The following ZBED4 variants were observed in gnomAD, a reference collection of about 807,000 sequenced individuals.
ZBED4 encodes the protein zinc finger BED domain-containing protein 4.
In ZBED4, 4 loss-of-function variants were observed where a neutral mutation model predicts 15.5. The ratio of observed to expected loss-of-function variants is 0.26; its 90% CI spans 0.13 to 0.59. The LOEUF (loss-of-function observed/expected upper bound fraction) is 0.59. Among genes scored for constraint, ZBED4 ranks in the 20% least tolerant of loss-of-function variants. The pLI, the probability that ZBED4 is intolerant of heterozygous loss-of-function variation, is 0.90. For missense variants in ZBED4, 1,323 were observed against 1,461.8 expected (o/e 0.91, Z 1.55); for synonymous variants, 692 against 608.5 (o/e 1.14, Z -2.02).
chr22:49,854,031 C>T (rs1029593165), intron 1 of ZBED4, 42 bp downstream of exon 1: 1 of 145,452 alleles, frequency 6.9e-6, no homozygotes, highest in African/African-American at 2.5e-5. Context: ...TGCCGCGAGC[C>T]CCGTCCCCCG....
At chr22:49,876,817 A>G (rs1370945148) in intron 1 of ZBED4, among the ~76,000 whole-genome samples, 1 of 152,184 alleles carries the variant, frequency 6.6e-6, no homozygotes, top group Non-Finnish European at 1.5e-5. Flanking sequence ...TAGTAGTGGT[A>G]TTTCCATTTA....
At chr22:49,875,477 G>T (rs937331397) in intron 1 of ZBED4, among the ~76,000 whole-genome samples, 19 of 149,230 alleles carry the variant, frequency 1.3e-4, no homozygotes, top group Non-Finnish European at 1.6e-4. Context: ...CTGGAGTACA[G>T]TGGCGCCATC....
chr22:49,874,757 G>A (rs2060367780), intron 1 of ZBED4, among the ~76,000 whole-genome samples: 1 of 126,572 alleles, frequency 7.9e-6, no homozygotes, highest in Non-Finnish European at 1.6e-5. Context: ...TCAGCTCACT[G>A]CACCTCGACC....
intron 1 of ZBED4, among the ~76,000 whole-genome samples, chr22:49,875,943 T>C (rs989374708): frequency 1.3e-5 from 1 of 77,982 alleles, no homozygotes; most frequent in Non-Finnish European, 4.1e-5. Flanking sequence ...TGATTTTTTT[T>C]CTTTTTTTTT....
chr22:49,853,640 G>A (rs2060260864), upstream of ZBED4, among the ~76,000 whole-genome samples: 1 of 151,852 alleles, frequency 6.6e-6, no homozygotes, highest in Non-Finnish European at 1.5e-5. Flanking sequence ...GGACCCGGGG[G>A]CGGAGCCGAA....
At chr22:49,870,579 G>C (rs552576996) in intron 1 of ZBED4, among the ~76,000 whole-genome samples, 11 of 152,192 alleles carry the variant, frequency 7.2e-5, no homozygotes, top group South Asian at 4.1e-4. Context: ...GATGACTGTT[G>C]ATGTCGAGCA....
chr22:49,854,461 T>G (rs910764835), intron 1 of ZBED4, among the ~76,000 whole-genome samples: 1 of 152,114 alleles, frequency 6.6e-6, no homozygotes, highest in African/African-American at 2.4e-5. Context: ...CCCAGACGGG[T>G]CCTTGCGACG....
At chr22:49,862,848 C>T (rs978477640) in intron 1 of ZBED4, among the ~76,000 whole-genome samples, 1 of 151,872 alleles carries the variant, frequency 6.6e-6, no homozygotes, top group Admixed American at 6.6e-5. Context: ...ATTACAGGTG[C>T]CCACCACCAC....
rs571857694 is a variant in ZBED4, at chr22:49,865,535, TGTG to T, written c.-330+11551_-330+11553del. 1.8e-3 allele frequency among the ~76,000 whole-genome samples: 275 copies of T among 151,172 alleles called. 3 individuals carry two copies. Among genetic ancestry groups the T allele is most frequent in the African/African-American group, 5.9e-3 (241 of 41,034 alleles). On this transcript the variant is annotated intron_variant, in intron 1 of 1. Transcript: ENST00000216268. ...TAACCCGTCTCTATTAAAATACAGG[TGTG>T]GTGGCAGGCACCTGTAATCCCAGCT... is the stretch of plus-strand genomic sequence containing the variant.
chr22:49,884,359 G>A lies in ZBED4; in HGVS notation c.697G>A (p.Glu233Lys), dbSNP rs747281799. ...TEESVSVVSS[E>K]EISSDMSVSE... ...GGAGTCTGTGTCTGTAGTTTCTTCTGAAGAAATCTCCTCTGACATGTCCGT... is the reference window on the plus strand; with the variant it reads ...GGAGTCTGTGTCTGTAGTTTCTTCTAAAGAAATCTCCTCTGACATGTCCGT... Residue 233 changes from glutamate to lysine, a missense_variant, in exon 2 of 2, where the codon GAA (glutamate) becomes AAA (lysine). Glu to Lys is a moderately conservative substitution (Grantham distance 56). Transcript: ENST00000216268. 7 of 1,613,042 alleles carry A rather than the reference G, an allele frequency of 4.3e-6. No individual in the cohort carries two copies. Among genetic ancestry groups the A allele is most frequent in the Admixed American group, 3.3e-5 (2 of 59,730 alleles).
chr22:49,874,556 G>A (rs2060366024), intron 1 of ZBED4, among the ~76,000 whole-genome samples: 1 of 149,164 alleles, frequency 6.7e-6, no homozygotes, highest in African/African-American at 2.5e-5. Flanking sequence ...TGTATTTTTA[G>A]TAGACATGGG....
chr22:49,875,944 C>CTTTTTT (rs56100344), intron 1 of ZBED4, among the ~76,000 whole-genome samples: 1 of 146,704 alleles, frequency 6.8e-6, no homozygotes. Context: ...GATTTTTTTT[C>CTTTTTT]TTTTTTTTTT....
At position 49,883,646 on chromosome 22, in the gene ZBED4, A is replaced by G; in HGVS notation, c.-17A>G. 6.5e-7 allele frequency: 1 copy of G among 1,534,832 alleles called. No individual in the cohort carries two copies. Among genetic ancestry groups the G allele is most frequent in the Non-Finnish European group, 8.8e-7 (1 of 1,133,834 alleles). ...TTTTATGAACCTAAGATACAGCCGG[A>G]GTAGTTATGGTCAGTCATGGAGAAT... On this transcript the variant is annotated 5_prime_UTR_variant, in exon 2 of 2. Coordinates refer to ENST00000216268, the MANE Select transcript of ZBED4 (RefSeq NM_014838.3).
In ZBED4 at chr22:49,856,767, G is replaced by A. The variant is rs1419966090; in HGVS notation, c.-330+2778G>A. Reference sequence around the variant, plus strand: ...CCACCTCTCGTTCTAGGTGAAGGCCGCGCTGGAATCCCGGCCGGCTTCCCA... The same window carrying A: ...CCACCTCTCGTTCTAGGTGAAGGCCACGCTGGAATCCCGGCCGGCTTCCCA... On this transcript the variant is annotated intron_variant, in intron 1 of 1. Coordinates refer to ENST00000216268, the MANE Select transcript of ZBED4 (RefSeq NM_014838.3). Among the ~76,000 whole-genome samples, 4 of 93,354 alleles carry A rather than the reference G, an allele frequency of 4.3e-5. 1 individual carries two copies. Among genetic ancestry groups the A allele is most frequent in the African/African-American group, 3.9e-5 (1 of 25,548 alleles). The allele number at this position is 93,354 out of a possible 152,430, so 61.2% of individuals were successfully genotyped here.
intron 1 of ZBED4, among the ~76,000 whole-genome samples, chr22:49,875,059 G>A (rs1431353380): frequency 2.0e-5 from 3 of 152,074 alleles, no homozygotes; most frequent in Non-Finnish European, 4.4e-5. Context: ...GATACATAGT[G>A]TTTAATTTAA....
chr22:49,869,553 G>T (rs1180576509), intron 1 of ZBED4, among the ~76,000 whole-genome samples: 1 of 152,128 alleles, frequency 6.6e-6, no homozygotes, highest in East Asian at 1.9e-4. Flanking sequence ...TTCTGGTTTG[G>T]CTCTCATTTT....
Position 49,883,907 on chromosome 22 carries a change from A to C in ZBED4, c.245A>C (p.Asp82Ala). ...TACTTGTCTGCAGAGAGTGAGGATG[A>C]CTATGGCGCGCTGTTCTCCCAGTAC... ...GKYLSAESED[D>A]YGALFSQYSS... Residue 82 changes from aspartate (D) to alanine (A), a missense_variant, in exon 2 of 2, where the codon GAC becomes GCC. By Grantham distance (126) the Asp-to-Ala change is moderately radical (BLOSUM62 -2). Around this residue, in one of 6 missense-constraint regions of ZBED4, gnomAD observed 380 missense variants for 413.7 expected, o/e 0.92. Transcript: ENST00000216268. The C allele has an allele frequency of 1.2e-6, 2 of 1,607,696 alleles. No individual in the cohort carries two copies. Among genetic ancestry groups the C allele is most frequent in the Non-Finnish European group, 1.7e-6 (2 of 1,175,640 alleles).
At chr22:49,876,416 T>A (rs1360906367) in intron 1 of ZBED4, among the ~76,000 whole-genome samples, 2 of 152,234 alleles carry the variant, frequency 1.3e-5, no homozygotes, top group African/African-American at 2.4e-5. Flanking sequence ...CTCCCTTTAG[T>A]TCTCTCAGCT....
At position 49,887,445 on chromosome 22, in the gene ZBED4, G is replaced by A. The variant is rs574289894; in HGVS notation, c.*267G>A. The A allele has an allele frequency of 5.9e-6, 2 of 338,396 alleles. No homozygotes were observed. The highest frequency in any genetic ancestry group is 9.5e-5 in the South Asian group (1 of 10,510). 21.0% of individuals were successfully genotyped at this position (338,396 alleles called of 1,614,324 possible). On this transcript the variant is annotated 3_prime_UTR_variant, in exon 2 of 2. Coordinates refer to ENST00000216268, the MANE Select transcript of ZBED4 (RefSeq NM_014838.3). ...GGTGACTAGATTTTAATTCATAACC[G>A]TAAAGTTTTTTAAAGTTTTGGGTTA...
Sources: gnomAD v4.1 joint callset for allele counts (sites outside exome capture counted in the v4.1 genomes callset) on GRCh38, gnomAD v4.1.1 for gene constraint, gnomAD v4.1.1 regional missense constraint, MANE v1.5 for transcripts, NCBI Gene and HGNC (gene_info 2026-07-23, HGNC 2026-07-21) for gene names.